Variants in HSD17B11 observed in about 807,000 individuals in gnomAD.
HSD17B11 encodes the protein hydroxysteroid 17-beta dehydrogenase 11, also known as estradiol 17-beta-dehydrogenase 11.
A neutral mutation model predicts 27.8 loss-of-function variants in HSD17B11; 22 were observed. The ratio of observed to expected loss-of-function variants is 0.79; its 90% CI spans 0.56 to 1.13. The LOEUF is 1.13. HSD17B11 is among the 50% of genes most tolerant of loss of function. The probability of loss-of-function intolerance (pLI) is 0.00; values close to 1 mark genes in which losing one functional copy is unlikely to be tolerated. For missense variants in HSD17B11, 314 were observed against 351.1 expected, an observed-to-expected ratio of 0.89 and a Z score of 0.84; for synonymous variants, 117 against 132.8, an observed-to-expected ratio of 0.88 and a Z score of 0.82.
At chr4:87,387,901 T>C (rs1288952566) in intron 1 of HSD17B11, among the ~76,000 whole-genome samples, 1 of 152,182 alleles carries the variant, frequency 6.6e-6, no homozygotes, top group African/African-American at 2.4e-5. Flanking sequence ...TTTCATCTCA[T>C]GCCTGGATTA....
At chr4:87,386,436 C>A (rs896056583) in intron 1 of HSD17B11, among the ~76,000 whole-genome samples, 4 of 152,162 alleles carry the variant, frequency 2.6e-5, no homozygotes, top group Admixed American at 6.5e-5. Context: ...CCCCTGGCCT[C>A]AAGTGATCCT....
chr4:87,359,113 G>T (rs947198491), intron 4 of HSD17B11, among the ~76,000 whole-genome samples: 1 of 152,072 alleles, frequency 6.6e-6, no homozygotes, highest in Admixed American at 6.6e-5. Context: ...CTCTGTAATT[G>T]TAAGTTTCCT....
intron 5 of HSD17B11, among the ~76,000 whole-genome samples, chr4:87,342,096 TGA>T (rs1735180350): frequency 6.6e-6 from 1 of 151,994 alleles, no homozygotes; most frequent in Admixed American, 6.6e-5. Flanking sequence ...TTAAAAGAAG[TGA>T]GACACCAGGC....
At chr4:87,371,500 T>C (rs1448198515) in intron 4 of HSD17B11, among the ~76,000 whole-genome samples, 10 of 152,208 alleles carry the variant, frequency 6.6e-5, no homozygotes, top group Non-Finnish European at 1.5e-4. Flanking sequence ...TTGACCTGCA[T>C]GGTAGTTAAA....
rs58693841 is a variant in HSD17B11, at chr4:87,337,499, T to G, written c.813-133A>C. 1.2e-5 allele frequency: 7 copies of G among 599,696 alleles called. 1 individual carries two copies. The South Asian group carries it at 1.5e-4, about 13-fold the overall frequency. The allele number at this position is 599,696 out of a possible 1,614,324, so 37.1% of individuals were successfully genotyped here. A position where few individuals can be genotyped will look rare whatever the true frequency, so the allele number is the denominator to read the frequency against. ...TAAATAAGATTAAGCATCTTAAATC[T>G]GAGTCACTACTATATATTCTTTCCC... is the stretch of plus-strand genomic sequence containing the variant. On this transcript the variant is annotated intron_variant, in intron 6 of 6. Transcript: ENST00000358290.
chr4:87,389,475 C>T (rs138216704), intron 1 of HSD17B11, among the ~76,000 whole-genome samples: 2,728 of 152,286 alleles, frequency 0.018, 31 homozygotes, highest in Middle Eastern at 0.034. Flanking sequence ...CTGCCCGCCT[C>T]GGCCTCCAAA....
intron 4 of HSD17B11, among the ~76,000 whole-genome samples, chr4:87,371,645 G>A (rs1209800625): frequency 6.6e-6 from 1 of 152,172 alleles, no homozygotes; most frequent in Non-Finnish European, 1.5e-5. Flanking sequence ...TTGCCCAATT[G>A]TTAATAACAA....
At chr4:87,354,669 G>GA (rs1298748574) in intron 5 of HSD17B11, among the ~76,000 whole-genome samples, 1 of 150,536 alleles carries the variant, frequency 6.6e-6, no homozygotes, top group Admixed American at 6.6e-5. Context: ...ATAAAAAAAG[G>GA]AAAAAAATTA....
At chr4:87,341,093 C>G (rs761787320) in intron 5 of HSD17B11, among the ~76,000 whole-genome samples, 1 of 152,124 alleles carries the variant, frequency 6.6e-6, no homozygotes, top group Non-Finnish European at 1.5e-5. Context: ...GGTACGTGCC[C>G]ACCTTTAGGC....
In HSD17B11 at chr4:87,352,998, A is replaced by C. The variant is rs10856868; in HGVS notation, c.695+4281T>G. Reference sequence around the variant, plus strand: ...TTCGGCTCGCGCACGGTGCGCACACACACTGGCCTGCGCCCACTGTCTGGC... The same window carrying C: ...TTCGGCTCGCGCACGGTGCGCACACCCACTGGCCTGCGCCCACTGTCTGGC... On this transcript the variant is annotated intron_variant, in intron 5 of 6. Transcript: ENST00000358290. 1.2e-4 allele frequency among the ~76,000 whole-genome samples: 13 copies of C among 105,944 alleles called. 1 individual carries two copies. Among genetic ancestry groups the C allele is most frequent in the East Asian group, 8.6e-4 (4 of 4,632 alleles). The allele number at this position is 105,944 out of a possible 152,430, so 69.5% of individuals were successfully genotyped here. A position where few individuals can be genotyped will look rare whatever the true frequency, so the allele number is the denominator to read the frequency against.
At chr4:87,354,585 A>C (rs1735345599) in intron 5 of HSD17B11, among the ~76,000 whole-genome samples, 1 of 151,644 alleles carries the variant, frequency 6.6e-6, no homozygotes, top group Non-Finnish European at 1.5e-5. Context: ...TCAAGGCTGC[A>C]GCGAGCTGTG....
chr4:87,381,186 CAAAAAAA>C (rs58998729), intron 2 of HSD17B11, among the ~76,000 whole-genome samples: 27 of 114,310 alleles, frequency 2.4e-4, no homozygotes, highest in South Asian at 3.1e-4. Flanking sequence ...GACTCCATTT[CAAAAAAA>C]AAAAAAAAAA....
chr4:87,380,682 C>T (rs1363438239), intron 2 of HSD17B11, among the ~76,000 whole-genome samples: 3 of 149,356 alleles, frequency 2.0e-5, no homozygotes, highest in Non-Finnish European at 4.4e-5. Context: ...ACGGTGAAAT[C>T]CCGTCTCTAC....
chr4:87,347,195 A>G (rs1460568910), intron 5 of HSD17B11, among the ~76,000 whole-genome samples: 2 of 62,234 alleles, frequency 3.2e-5, no homozygotes, highest in Non-Finnish European at 5.5e-5. Context: ...ACATATGTAT[A>G]CATGTGCCAT....
chr4:87,389,229 T>A (rs13150578), intron 1 of HSD17B11, among the ~76,000 whole-genome samples: 42,097 of 149,934 alleles, frequency 0.28, 6,971 homozygotes, highest in Non-Finnish European at 0.38. Context: ...TTAATTAATT[T>A]ATTTATTTTT....
chr4:87,355,785 T>C (rs762215646), intron 5 of HSD17B11, among the ~76,000 whole-genome samples: 1 of 152,026 alleles, frequency 6.6e-6, no homozygotes, highest in Admixed American at 6.6e-5. Context: ...GTGCCTGTAA[T>C]CTCAGATACT....
intron 4 of HSD17B11, 68 bp downstream of exon 4, chr4:87,372,641 G>C: frequency 1.1e-6 from 1 of 934,258 alleles, no homozygotes; most frequent in Non-Finnish European, 1.7e-6. Flanking sequence ...GTTCTTATTA[G>C]ACAGGGTAAG....
chr4:87,384,293 CCA>C (rs1720248315), intron 1 of HSD17B11, among the ~76,000 whole-genome samples: 1 of 152,084 alleles, frequency 6.6e-6, no homozygotes, highest in South Asian at 2.1e-4. Flanking sequence ...CACCTCAGGA[CCA>C]CTGTGATAAT....
intron 4 of HSD17B11, among the ~76,000 whole-genome samples, chr4:87,361,923 A>T (rs901502994): frequency 6.6e-6 from 1 of 152,012 alleles, no homozygotes; most frequent in Non-Finnish European, 1.5e-5. Flanking sequence ...AGAAACCCTG[A>T]CCCTATGGCT....
Sources: gnomAD v4.1 joint callset for allele counts (sites outside exome capture counted in the v4.1 genomes callset) on GRCh38, gnomAD v4.1.1 for gene constraint, MANE v1.5 for transcripts, NCBI Gene and HGNC (gene_info 2026-07-23, HGNC 2026-07-21) for gene names.